The following ANKMY2 variants were observed in gnomAD, a reference collection of about 807,000 sequenced individuals.
ANKMY2 encodes the protein ankyrin repeat and MYND domain containing 2.
Under a neutral mutation model 50.4 loss-of-function variants are expected in ANKMY2, and 36 were observed. That is an observed-to-expected ratio of 0.71 (90% CI 0.55 to 0.94). The LOEUF (loss-of-function observed/expected upper bound fraction) is 0.94. Ranked by LOEUF, ANKMY2 falls within the 40% of genes least tolerant of loss-of-function variation. ANKMY2 has a pLI of 0.00. For missense variants in ANKMY2, 565 were observed against 524.0 expected (o/e 1.08, Z -0.76); for synonymous variants, 187 against 178.8 (o/e 1.05, Z -0.36).
chr7:16,605,885 G>A (rs971849790), intron 7 of ANKMY2, among the ~76,000 whole-genome samples: 5 of 151,704 alleles, frequency 3.3e-5, no homozygotes, highest in Admixed American at 2.6e-4. Flanking sequence ...GGGTTTCACC[G>A]TGTCAGCCAG....
intron 1 of ANKMY2, among the ~76,000 whole-genome samples, chr7:16,638,663 G>C (rs1486218080): frequency 6.6e-6 from 1 of 152,188 alleles, no homozygotes; most frequent in Non-Finnish European, 1.5e-5. Context: ...GATGCGGGGA[G>C]GGGTGGAGTT....
chr7:16,606,835 T>A (rs1439849761), intron 7 of ANKMY2, among the ~76,000 whole-genome samples: 1 of 152,228 alleles, frequency 6.6e-6, no homozygotes, highest in African/African-American at 2.4e-5. Context: ...CAAATAATAA[T>A]GACTGGGTCT....
intron 7 of ANKMY2, among the ~76,000 whole-genome samples, chr7:16,605,543 C>T (rs1008293752): frequency 1.3e-5 from 2 of 152,018 alleles, no homozygotes; most frequent in African/African-American, 4.8e-5. Context: ...TGTCACCCGG[C>T]TGGAGGTGCA....
intron 8 of ANKMY2, among the ~76,000 whole-genome samples, chr7:16,603,939 G>C (rs1346139826): frequency 6.6e-6 from 1 of 152,222 alleles, no homozygotes; most frequent in Non-Finnish European, 1.5e-5. Context: ...CTGAGTTTGA[G>C]TGTGTTTTTA....
Position 16,600,791 on chromosome 7 carries a change from A to G in ANKMY2, c.1296T>C (p.Ala432=), listed in dbSNP as rs201544745. ...CCTCAGACACCTGTGGCCCTGCAGG[A>G]GCATCCTGTAAGCCTTCCAACTCAG... The part of the protein sequence containing the change: ...SEAELEGLQD[A]PAGPQVSEE The change falls in exon 10 of 10, where the codon GCT becomes GCC. Residue 432 remains alanine (A), a synonymous_variant. Transcript: ENST00000306999. 1.8e-5 allele frequency: 29 copies of G among 1,612,950 alleles called. No homozygotes were observed. The African/African-American group carries it at 3.7e-4, about 21-fold the overall frequency.
chr7:16,600,169 A>AC lies in ANKMY2; in HGVS notation c.*591dup, dbSNP rs1781017357. 1 of 152,194 alleles carries AC rather than the reference A, an allele frequency of 6.6e-6. No individual in the cohort carries two copies. The highest frequency in any genetic ancestry group is 1.5e-5 in the Non-Finnish European group (1 of 68,042). The allele number at this position is 152,194 out of a possible 1,614,324, so 9.4% of individuals were successfully genotyped here. The stretch of plus-strand genomic sequence containing the variant: ...GTACAAATACTGCAGATAGAATATC[A>AC]CCGCAGGACTACGTCAAGTTCAGAG... On this transcript the variant is annotated 3_prime_UTR_variant, in exon 10 of 10. Transcript: ENST00000306999.
At chr7:16,609,036 C>A (rs1181003992) in intron 7 of ANKMY2, among the ~76,000 whole-genome samples, 1 of 152,012 alleles carries the variant, frequency 6.6e-6, no homozygotes, top group Non-Finnish European at 1.5e-5. Context: ...AAATATATGA[C>A]AAATGAATAG....
chr7:16,642,460 A>G (rs181731307), intron 1 of ANKMY2, among the ~76,000 whole-genome samples: 18 of 152,186 alleles, frequency 1.2e-4, no homozygotes, highest in African/African-American at 3.4e-4. Flanking sequence ...CATTCTAATA[A>G]ATAAAAAGCC....
At position 16,645,745 on chromosome 7, in the gene ANKMY2, G is replaced by C; in HGVS notation, c.-172C>G. 9.6e-6 allele frequency: 6 copies of C among 627,992 alleles called. No individual in the cohort carries two copies. Among genetic ancestry groups the C allele is most frequent in the East Asian group, 3.6e-5 (1 of 27,424 alleles). 38.9% of individuals were successfully genotyped at this position (627,992 alleles called of 1,614,324 possible). On this transcript the variant is annotated 5_prime_UTR_variant, in exon 1 of 10. Transcript: ENST00000306999. ...TCCCTCCCGCGGGCTGGCGGACAGC[G>C]GGCGAGCTCGGGCGAGCCAGGCGGA...
intron 1 of ANKMY2, among the ~76,000 whole-genome samples, chr7:16,643,562 C>T (rs1309694876): frequency 6.7e-6 from 1 of 149,328 alleles, no homozygotes; most frequent in Non-Finnish European, 1.5e-5. Context: ...CCGTGTGAGC[C>T]CAGAAATATC....
chr7:16,605,685 T>G (rs1222395431), intron 7 of ANKMY2, among the ~76,000 whole-genome samples: 5 of 137,200 alleles, frequency 3.6e-5, no homozygotes, highest in South Asian at 2.4e-4. Flanking sequence ...TTTTTTTTTT[T>G]TTTTTTTTTT....
At chr7:16,603,819 C>T (rs1781112084) in intron 8 of ANKMY2, among the ~76,000 whole-genome samples, 1 of 152,186 alleles carries the variant, frequency 6.6e-6, no homozygotes, top group South Asian at 2.1e-4. Flanking sequence ...CATGCTCAGC[C>T]TAGCCTGCTA....
At chr7:16,619,403 C>T (rs1488447745) in intron 4 of ANKMY2, among the ~76,000 whole-genome samples, 1 of 152,186 alleles carries the variant, frequency 6.6e-6, no homozygotes, top group Non-Finnish European at 1.5e-5. Context: ...ATCCGCCCGC[C>T]TTGGCCTCCC....
chr7:16,622,415 T>G (rs1781448387), intron 4 of ANKMY2, among the ~76,000 whole-genome samples: 1 of 152,166 alleles, frequency 6.6e-6, no homozygotes, highest in South Asian at 2.1e-4. Context: ...TGTGAATTAC[T>G]ATGCCCTTTT....
intron 6 of ANKMY2, among the ~76,000 whole-genome samples, chr7:16,610,221 G>A (rs187511451): frequency 1.3e-5 from 2 of 152,036 alleles, no homozygotes; most frequent in African/African-American, 2.4e-5. Context: ...CTAGGGCTGC[G>A]ACCTAGGGCA....
rs372136101 is a variant in ANKMY2, at chr7:16,628,280, A to G, written c.133-1102T>C. 1.7e-4 allele frequency among the ~76,000 whole-genome samples: 26 copies of G among 152,274 alleles called. No homozygotes were observed. In the East Asian group the frequency reaches 2.5e-3, roughly 15 times the overall value. ...TGTAAATTATTCTTGATGCTTCCAG[A>G]TTATTATTATGAACGTAAGCCATCA... On this transcript the variant is annotated intron_variant, in intron 2 of 9. Coordinates refer to ENST00000306999, the MANE Select transcript of ANKMY2 (RefSeq NM_020319.3).
intron 2 of ANKMY2, among the ~76,000 whole-genome samples, chr7:16,634,610 C>G (rs1290580125): frequency 6.6e-6 from 1 of 152,146 alleles, no homozygotes; most frequent in Admixed American, 6.5e-5. Context: ...GGAAACTACC[C>G]AAGCCTGGGC....
intron 2 of ANKMY2, among the ~76,000 whole-genome samples, chr7:16,635,641 A>T (rs569045915): frequency 6.6e-6 from 1 of 152,294 alleles, no homozygotes; most frequent in Admixed American, 6.5e-5. Flanking sequence ...TAATGCTCAG[A>T]TGTTACCACC....
rs568968835 is a variant in ANKMY2, at chr7:16,642,643, C to T, written c.67+2864G>A. On this transcript the variant is annotated intron_variant, in intron 1 of 9. Transcript: ENST00000306999. Reference sequence around the variant, plus strand: ...TCTAGAGTTTTTCAAAGTTGAAAAACGTATGAAAGAAAAAAAAAAAAACTC... The same window carrying T: ...TCTAGAGTTTTTCAAAGTTGAAAAATGTATGAAAGAAAAAAAAAAAAACTC... Among the ~76,000 whole-genome samples, 10 of 147,434 alleles carry T rather than the reference C, an allele frequency of 6.8e-5. No individual in the cohort carries two copies. In the South Asian group the frequency reaches 1.7e-3, roughly 25 times the overall value.
Sources: allele counts gnomAD v4.1 joint callset (sites outside exome capture counted in the v4.1 genomes callset), GRCh38; gene constraint gnomAD v4.1.1; transcripts MANE v1.5; gene names NCBI Gene and HGNC (gene_info 2026-07-23, HGNC 2026-07-21).